Variants in KIF2A observed in about 807,000 individuals in gnomAD.
The protein encoded by KIF2A is kinesin-like protein KIF2A.
A neutral mutation model predicts 100.2 loss-of-function variants in KIF2A; 22 were observed. The observed-to-expected ratio is 0.22, with a 90% CI of 0.16 to 0.31. KIF2A has a LOEUF of 0.31. KIF2A is among the 10% of genes least tolerant of loss of function. The pLI is 1.00. For missense variants in KIF2A, 495 were observed against 898.7 expected (o/e 0.55, Z 5.74); for synonymous variants, 268 against 285.9 (o/e 0.94, Z 0.63).
intron 1 of KIF2A, among the ~76,000 whole-genome samples, chr5:62,335,279 GCCT>G (rs1746881538): frequency 6.6e-6 from 1 of 152,196 alleles, no homozygotes; most frequent in East Asian, 1.9e-4. Flanking sequence ...GAGCTATTGG[GCCT>G]GGAAGGGCTA....
At chr5:62,339,623 A>G (rs2111880002) in intron 1 of KIF2A, among the ~76,000 whole-genome samples, 1 of 151,284 alleles carries the variant, frequency 6.6e-6, no homozygotes, top group East Asian at 1.9e-4. Flanking sequence ...TCCTAATAGC[A>G]GAAACATAAA....
intron 10 of KIF2A, 67 bp downstream of exon 10, chr5:62,361,399 T>G: frequency 6.9e-7 from 1 of 1,440,522 alleles, no homozygotes; most frequent in Non-Finnish European, 9.8e-7. Context: ...AGCTTAATTC[T>G]GTGAACTAAA....
intron 1 of KIF2A, among the ~76,000 whole-genome samples, chr5:62,330,454 A>G (rs1746575833): frequency 1.3e-5 from 2 of 152,326 alleles, no homozygotes; most frequent in South Asian, 2.1e-4. Context: ...TTCTGAGGTA[A>G]TTTATCTGGT....
At chr5:62,351,959 G>A (rs1310363522) in intron 4 of KIF2A, among the ~76,000 whole-genome samples, 1 of 152,140 alleles carries the variant, frequency 6.6e-6, no homozygotes, top group East Asian at 1.9e-4. Flanking sequence ...TTTGAGGCCA[G>A]CCTGACCAAT....
At chr5:62,363,935 A>C (rs776659146) in intron 14 of KIF2A, 36 bp downstream of exon 14, 15 of 1,494,140 alleles carry the variant, frequency 1.0e-5, no homozygotes, top group Admixed American at 2.2e-5. Flanking sequence ...AAGGTCTTTT[A>C]CTTTTGACTT....
At chr5:62,309,166 A>T (rs1032900437) in intron 1 of KIF2A, among the ~76,000 whole-genome samples, 3 of 152,204 alleles carry the variant, frequency 2.0e-5, no homozygotes, top group African/African-American at 4.8e-5. Context: ...ATTTAAATTT[A>T]TTGAACTTGA....
chr5:62,380,045 TCAC>T (rs1403040289), intron 19 of KIF2A, among the ~76,000 whole-genome samples: 12 of 152,116 alleles, frequency 7.9e-5, no homozygotes, highest in South Asian at 4.1e-4. Context: ...GCGTGTGCCA[TCAC>T]GCCTGGCTAA....
chr5:62,341,486 A>G (rs1396412787), intron 1 of KIF2A, among the ~76,000 whole-genome samples: 4 of 150,872 alleles, frequency 2.7e-5, no homozygotes, highest in African/African-American at 9.8e-5. Context: ...TTTTTTTTAT[A>G]GAGTTGAGGT....
intron 18 of KIF2A, among the ~76,000 whole-genome samples, chr5:62,374,137 A>C (rs1465495017): frequency 6.6e-6 from 1 of 152,188 alleles, no homozygotes; most frequent in Admixed American, 6.5e-5. Context: ...GCTTGAGCAC[A>C]GGAATTCTGG....
At chr5:62,362,057 T>C (rs1194811971) in intron 11 of KIF2A, among the ~76,000 whole-genome samples, 2 of 151,484 alleles carry the variant, frequency 1.3e-5, no homozygotes, top group African/African-American at 2.4e-5. Context: ...AACTGTAAGA[T>C]TGATTTTGAG....
At chr5:62,339,635 ACAACT>A (rs1747178842) in intron 1 of KIF2A, among the ~76,000 whole-genome samples, 1 of 151,198 alleles carries the variant, frequency 6.6e-6, no homozygotes, top group Admixed American at 6.6e-5. Flanking sequence ...AAACATAAAA[ACAACT>A]CAAATGTCTG....
intron 17 of KIF2A, among the ~76,000 whole-genome samples, chr5:62,373,157 T>TA (rs1741391959): frequency 6.6e-6 from 1 of 152,074 alleles, no homozygotes; most frequent in Admixed American, 6.5e-5. Context: ...TGATAAAACT[T>TA]AAAATCTTAT....
chr5:62,346,714 TAGGTAAC>T lies in KIF2A; in HGVS notation c.65-413_65-407del, dbSNP rs1747589035. Among the ~76,000 whole-genome samples the T allele has an allele frequency of 2.0e-5, 3 of 152,210 alleles. No homozygotes were observed. In the South Asian group the frequency reaches 6.2e-4, roughly 32 times the overall value. ...AAGATCGCATCACTGCTCTATAGCT[TAGGTAAC>T]AGAGCGAGACTGTCTCAGGAAAAAA... On this transcript the variant is annotated intron_variant, in intron 1 of 20. Transcript: ENST00000407818.
rs1039998527 is a variant in KIF2A at position 62,388,759 on chromosome 5, G to A, written c.*3190G>A. ...AGAAATGATAAGTGTAAAGTTGTGC[G>A]TCTCTGCGGCTCCTGAACTTGAAGA... On this transcript the variant is annotated 3_prime_UTR_variant, in exon 21 of 21. Transcript: ENST00000407818. 3.6e-5 allele frequency: 18 copies of A among 500,064 alleles called. No homozygotes were observed. Among genetic ancestry groups the A allele is most frequent in the African/African-American group, 1.6e-4 (8 of 51,248 alleles). The allele number at this position is 500,064 out of a possible 1,614,324, so 31.0% of individuals were successfully genotyped here. A position where few individuals can be genotyped will look rare whatever the true frequency, so the allele number is the denominator to read the frequency against.
chr5:62,344,281 T>G (rs1035114547), intron 1 of KIF2A, among the ~76,000 whole-genome samples: 1 of 151,408 alleles, frequency 6.6e-6, no homozygotes, highest in African/African-American at 2.4e-5. Context: ...GAGGTGGAGG[T>G]TGCAGTGAGC....
At chr5:62,371,010 T>TA (rs1741299346) in intron 16 of KIF2A, among the ~76,000 whole-genome samples, 1 of 152,178 alleles carries the variant, frequency 6.6e-6, no homozygotes, top group African/African-American at 2.4e-5. Context: ...CTCATGCTTG[T>TA]AATCCCAGTA....
At chr5:62,357,030 C>A (rs1159311824) in intron 7 of KIF2A, among the ~76,000 whole-genome samples, 3 of 151,622 alleles carry the variant, frequency 2.0e-5, no homozygotes, top group African/African-American at 7.3e-5. Context: ...AAGTGATCCA[C>A]CCACCTTAGC....
rs2111959232 is a variant in KIF2A, at chr5:62,363,175, T to C, written c.1120-3T>C. 1 of 1,597,870 alleles carries C rather than the reference T, an allele frequency of 6.3e-7. No individual in the cohort carries two copies. The highest frequency in any genetic ancestry group is 8.5e-7 in the Non-Finnish European group (1 of 1,172,006). On this transcript the variant is annotated splice_polypyrimidine_tract_variant and splice_region_variant and intron_variant, in intron 12 of 20. Coordinates refer to ENST00000407818, the MANE Select transcript of KIF2A (RefSeq NM_001098511.3). ...TTTCTAATTTGAATATGGTTTTTCA[T>C]AGGTGTTTGACTTGCTAAACAGGAA...
rs1351592249 is a variant in KIF2A at position 62,385,547 on chromosome 5, C to T, written c.2213C>T (p.Pro738Leu). 9.4e-6 allele frequency: 15 copies of T among 1,593,646 alleles called. No individual in the cohort carries two copies. Among genetic ancestry groups the T allele is most frequent in the African/African-American group, 2.7e-5 (2 of 74,300 alleles). ...EEEQASKQINPKRPRAL is the reference protein window; with the variant it reads ...EEEQASKQINLKRPRAL ...GAACAAGCCAGCAAGCAAATCAACC[C>T]GAAGAGACCCCGTGCCCTTTAAACC... The change falls in exon 21 of 21, where the codon CCG (proline) becomes CTG (leucine). Residue 738 changes from proline to leucine, a missense_variant. Physicochemically the swap from Pro to Leu is moderately conservative, Grantham distance 98 (BLOSUM62 -3). Transcript: ENST00000407818.
Sources: allele counts gnomAD v4.1 joint callset (sites outside exome capture counted in the v4.1 genomes callset), GRCh38; gene constraint gnomAD v4.1.1; transcripts MANE v1.5; gene names NCBI Gene and HGNC (gene_info 2026-07-23, HGNC 2026-07-21).